The following MYO3B variants were observed in gnomAD, a reference collection of about 807,000 sequenced individuals.
MYO3B encodes myosin IIIB, also known as myosin-IIIb.
In MYO3B, 156 loss-of-function variants were observed where a neutral mutation model predicts 174.6. The observed-to-expected ratio is 0.89, with a 90% CI of 0.78 to 1.02. MYO3B has a LOEUF of 1.02. Ranked by LOEUF, MYO3B falls within the 50% of genes least tolerant of loss-of-function variation. The pLI is 0.00. For synonymous variants in MYO3B, 563 were observed against 569.1 expected (o/e 0.99, Z 0.15); for missense variants, 1,632 against 1,639.4 (o/e 1.00, Z 0.08).
intron 25 of MYO3B, among the ~76,000 whole-genome samples, chr2:170,495,196 G>A (rs4668263): frequency 0.16 from 24,879 of 152,152 alleles, 2,555 homozygotes; most frequent in Middle Eastern, 0.3. Flanking sequence ...GGGGTAAAAT[G>A]GATCTTTCCA....
chr2:170,253,377 T>A (rs535004954), intron 7 of MYO3B, among the ~76,000 whole-genome samples: 1 of 152,260 alleles, frequency 6.6e-6, no homozygotes, highest in Non-Finnish European at 1.5e-5. Flanking sequence ...TTTTCCAAGT[T>A]GGAGACGGTT....
intron 8 of MYO3B, among the ~76,000 whole-genome samples, chr2:170,358,005 A>G (rs375578572): frequency 9.7e-4 from 148 of 152,224 alleles, no homozygotes; most frequent in African/African-American, 3.2e-3. Flanking sequence ...ATACAAAAGT[A>G]GCCAGGTGCG....
rs185418099 is a variant in MYO3B at position 170,329,711 on chromosome 2, C to A, written c.750-5674C>A. Among the ~76,000 whole-genome samples, 225 of 152,100 alleles carry A rather than the reference C, an allele frequency of 1.5e-3. 2 individuals are homozygous for A. The highest frequency in any genetic ancestry group is 5.1e-3 in the African/African-American group (212 of 41,512). On this transcript the variant is annotated intron_variant, in intron 7 of 34. Coordinates refer to ENST00000408978, the MANE Select transcript of MYO3B (RefSeq NM_138995.5). ...GCCCAGCCAGGGAATGTTTCTTACA[C>A]TTAGATGAATCATGTATTACAATTA... is the stretch of plus-strand genomic sequence containing the variant.
At chr2:170,204,757 G>A (rs959205960) in intron 3 of MYO3B, among the ~76,000 whole-genome samples, 8 of 152,284 alleles carry the variant, frequency 5.3e-5, no homozygotes, top group Middle Eastern at 3.4e-3. Context: ...CAGAGTGGGC[G>A]GGAATAAAGG....
intron 7 of MYO3B, among the ~76,000 whole-genome samples, chr2:170,331,403 G>A (rs1289985908): frequency 6.6e-6 from 1 of 152,136 alleles, no homozygotes; most frequent in African/African-American, 2.4e-5. Context: ...AAACAAGAAG[G>A]ACATTGGAGT....
At chr2:170,184,460 T>G (rs2092439171) in intron 1 of MYO3B, among the ~76,000 whole-genome samples, 1 of 152,204 alleles carries the variant, frequency 6.6e-6, no homozygotes, top group Admixed American at 6.5e-5. Flanking sequence ...TGTGCCTGGC[T>G]TATTTCACCT....
At chr2:170,437,618 T>C (rs1559000213) in intron 22 of MYO3B, among the ~76,000 whole-genome samples, 1 of 152,214 alleles carries the variant, frequency 6.6e-6, no homozygotes, top group Non-Finnish European at 1.5e-5. Context: ...ACTCTCCTTT[T>C]TGTTTCCTTA....
chr2:170,447,647 G>A (rs1269077190), intron 23 of MYO3B, among the ~76,000 whole-genome samples: 2 of 152,200 alleles, frequency 1.3e-5, no homozygotes, highest in Non-Finnish European at 2.9e-5. Context: ...CACCCAGTGG[G>A]TTCATCTTGG....
intron 22 of MYO3B, among the ~76,000 whole-genome samples, chr2:170,425,896 A>G (rs974173986): frequency 9.8e-5 from 15 of 152,356 alleles, no homozygotes; most frequent in African/African-American, 2.6e-4. Context: ...GACTGGTGAC[A>G]TGGCTCACAG....
chr2:170,590,128 C>G (rs928924506), intron 32 of MYO3B, among the ~76,000 whole-genome samples: 1 of 152,160 alleles, frequency 6.6e-6, no homozygotes, highest in Non-Finnish European at 1.5e-5. Context: ...ACACATTTCT[C>G]AGAACATTAT....
chr2:170,525,674 A>G (rs2106157062), intron 30 of MYO3B, among the ~76,000 whole-genome samples: 1 of 152,308 alleles, frequency 6.6e-6, no homozygotes, highest in East Asian at 1.9e-4. Flanking sequence ...CTGGCACCTC[A>G]CAAGGGGAAA....
chr2:170,549,772 A>G (rs771148005), intron 32 of MYO3B, among the ~76,000 whole-genome samples: 14 of 152,172 alleles, frequency 9.2e-5, no homozygotes, highest in Admixed American at 2.6e-4. Context: ...CAGGAAATTG[A>G]GTTTGATTTA....
chr2:170,565,354 G>A (rs1691999090), intron 32 of MYO3B, among the ~76,000 whole-genome samples: 1 of 152,166 alleles, frequency 6.6e-6, no homozygotes, highest in Admixed American at 6.5e-5. Flanking sequence ...TGTGAAGTTT[G>A]TACTGAAACA....
intron 7 of MYO3B, among the ~76,000 whole-genome samples, chr2:170,310,698 G>A (rs189647177): frequency 7.4e-6 from 1 of 134,416 alleles, no homozygotes; most frequent in Admixed American, 7.4e-5. Flanking sequence ...GAAATACATT[G>A]GTTTGGTCCA....
intron 7 of MYO3B, among the ~76,000 whole-genome samples, chr2:170,238,312 G>A (rs13402900): frequency 0.025 from 3,871 of 152,160 alleles, 185 homozygotes; most frequent in African/African-American, 0.089. Flanking sequence ...TTACCTGTGT[G>A]TTTCATTGGA....
At chr2:170,624,059 CT>C (rs1559170344) in intron 32 of MYO3B, among the ~76,000 whole-genome samples, 1 of 152,254 alleles carries the variant, frequency 6.6e-6, no homozygotes, top group East Asian at 1.9e-4. Flanking sequence ...AATGTGGGCT[CT>C]TTTTTGGTTC....
At chr2:170,627,668 C>G (rs1696568709) in intron 32 of MYO3B, among the ~76,000 whole-genome samples, 1 of 152,138 alleles carries the variant, frequency 6.6e-6, no homozygotes, top group African/African-American at 2.4e-5. Context: ...TGTTTTTTCC[C>G]CATCTTTGTG....
At chr2:170,392,347 C>T (rs375063574) in intron 15 of MYO3B, 34 bp from the exon 16 acceptor site, 1 of 1,459,954 alleles carries the variant, frequency 6.8e-7, no homozygotes, top group African/African-American at 1.4e-5. Context: ...CAAGTCAGTG[C>T]TCATTCTGTT....
At chr2:170,577,605 G>A (rs1486081028) in intron 32 of MYO3B, among the ~76,000 whole-genome samples, 1 of 152,216 alleles carries the variant, frequency 6.6e-6, no homozygotes. Context: ...TTGATTACAA[G>A]AATATGAATT....
Sources: allele counts gnomAD v4.1 joint callset (sites outside exome capture counted in the v4.1 genomes callset), GRCh38; gene constraint gnomAD v4.1.1; transcripts MANE v1.5; gene names NCBI Gene and HGNC (gene_info 2026-07-23, HGNC 2026-07-21).